GAS2L2: variants seen among roughly 807,000 people sequenced by gnomAD.
The protein encoded by GAS2L2 is growth arrest specific 2 like 2, also known as GAS2-like protein 2.
In GAS2L2, 21 loss-of-function variants were observed where a neutral mutation model predicts 35.2. The observed-to-expected ratio is 0.60, with a 90% CI of 0.42 to 0.86. The LOEUF (loss-of-function observed/expected upper bound fraction) is 0.86, where lower values mean the gene tolerates loss of function less well. Among genes scored for constraint, GAS2L2 ranks in the 40% least tolerant of loss-of-function variants. The probability of loss-of-function intolerance (pLI) is 0.00; values close to 1 mark genes in which losing one functional copy is unlikely to be tolerated. For synonymous variants in GAS2L2, 490 were observed against 473.2 expected (o/e 1.04, Z -0.46); for missense variants, 1,169 against 1,144.4 (o/e 1.02, Z -0.31).
intron 4 of GAS2L2, 108 bp downstream of exon 4, chr17:35,747,741 T>G: frequency 1.2e-6 from 1 of 859,496 alleles, no homozygotes; most frequent in South Asian, 1.5e-5. Flanking sequence ...CACCTACCGC[T>G]CCCCTCCTGG....
chr17:35,744,961 T>C lies in GAS2L2; in HGVS notation c.2536A>G (p.Lys846Glu). The change falls in exon 6 of 6, where the codon AAA (lysine) becomes GAA (glutamate). Residue 846 changes from lysine (K) to glutamate (E), a missense_variant. Transcript: ENST00000604641. ...GEEEEEGKEEKEPAAPLESSP... is the reference protein window; with the variant it reads ...GEEEEEGKEEEEPAAPLESSP... Reference sequence around the variant, plus strand: ...CTCTCCAATGGAGCGGCTGGCTCTTTCTCCTCCTTTCCTTCCTCCTCCTCC... The same window carrying C: ...CTCTCCAATGGAGCGGCTGGCTCTTCCTCCTCCTTTCCTTCCTCCTCCTCC... The C allele has an allele frequency of 6.2e-7, 1 of 1,614,108 alleles. No homozygotes were observed.
In GAS2L2 at chr17:35,747,201, A is replaced by G. The variant is rs2143021734; in HGVS notation, c.900T>C (p.Asp300=). Residue 300 remains aspartate (D), a synonymous_variant, in exon 5 of 6, where the codon GAT becomes GAC. Transcript: ENST00000604641. ...TTGTAGGCTGGGTCTGTGAGGGTCC[A>G]TCCTGTACCCTTACTTCATGCTGCA... ...PPVQHEVRVQ[D]GPSQTQPTMT... 1 of 1,613,988 alleles carries G rather than the reference A, an allele frequency of 6.2e-7. No homozygotes were observed. The highest frequency in any genetic ancestry group is 2.2e-5 in the East Asian group (1 of 44,878).
In GAS2L2 at chr17:35,744,614, A is replaced by T. The variant is rs1478339662; in HGVS notation, c.*240T>A. ...GGAGTGTGGTGAGCCGTTCTAGGGG[A>T]GAGTAATGAGATACAGGATGGTCCT... On this transcript the variant is annotated 3_prime_UTR_variant, in exon 6 of 6. Transcript: ENST00000604641. 1.5e-5 allele frequency: 8 copies of T among 530,494 alleles called. No homozygotes were observed. In the Admixed American group the frequency reaches 2.2e-4, roughly 14 times the overall value. 32.9% of individuals were successfully genotyped at this position (530,494 alleles called of 1,614,324 possible). A position where few individuals can be genotyped will look rare whatever the true frequency, so the allele number is the denominator to read the frequency against.
Position 35,745,744 on chromosome 17 carries a change from C to T in GAS2L2, c.1753G>A (p.Gly585Arg), listed in dbSNP as rs782648695. 8 of 1,613,716 alleles carry T rather than the reference C, an allele frequency of 5.0e-6. No individual in the cohort carries two copies. Among genetic ancestry groups the T allele is most frequent in the Admixed American group, 3.3e-5 (2 of 60,008 alleles). ...SWDLGLQEQEGRYTPLPLGGN... is the reference protein window; with the variant it reads ...SWDLGLQEQERRYTPLPLGGN... ...CCCAAGGGCAGAGGTGTGTACCGCC[C>T]CTCCTGCTCCTGTAGGCCCAGGTCC... The change falls in exon 6 of 6, where the codon GGG becomes AGG. Residue 585 changes from glycine (G) to arginine (R), a missense_variant. Around this residue, in one of 3 missense-constraint regions of GAS2L2, gnomAD observed 1,035 missense variants for 976.5 expected, o/e 1.06. Transcript: ENST00000604641.
Position 35,746,035 on chromosome 17 carries a change from G to T in GAS2L2, c.1462C>A (p.Pro488Thr). The T allele has an allele frequency of 5.2e-6, 8 of 1,547,926 alleles. No individual in the cohort carries two copies. The highest frequency in any genetic ancestry group is 6.1e-6 in the Non-Finnish European group (7 of 1,145,514). ...GGGGTTGGAGAACGGACAGACTCTG[G>T]CTCCCTGAACTGGAAGAACGCACCC... ...AKGAFFQFRE[P>T]ESVRSPTPVQ... Residue 488 changes from proline (P) to threonine (T), a missense_variant, in exon 6 of 6, where the codon CCA (proline) becomes ACA (threonine). Physicochemically the swap from Pro to Thr is conservative, Grantham distance 38. Around this residue, in one of 3 missense-constraint regions of GAS2L2, gnomAD observed 1,035 missense variants for 976.5 expected, o/e 1.06. Transcript: ENST00000604641.
intron 2 of GAS2L2, among the ~76,000 whole-genome samples, 154 bp from the exon 3 acceptor site, chr17:35,749,371 C>G (rs2085689397): frequency 1.3e-5 from 2 of 152,210 alleles, no homozygotes; most frequent in Admixed American, 1.3e-4. Context: ...GTAAATGACC[C>G]AGCGAGAACG....
At position 35,746,319 on chromosome 17, in the gene GAS2L2, C is replaced by T. The variant is rs144191508; in HGVS notation, c.1178G>A (p.Arg393Gln). The change falls in exon 6 of 6, where the codon CGA becomes CAA. Residue 393 changes from arginine to glutamine, a missense_variant. Transcript: ENST00000604641. ...SPQSSSTQKGRDPQCTSSGKR... is the reference protein window; with the variant it reads ...SPQSSSTQKGQDPQCTSSGKR... ...TCCTGACGAGGTACACTGTGGGTCTCGGCCTTTTTGGGTAGATGAGGACTG... is the reference window on the plus strand; with the variant it reads ...TCCTGACGAGGTACACTGTGGGTCTTGGCCTTTTTGGGTAGATGAGGACTG... 2.9e-5 allele frequency: 41 copies of T among 1,398,212 alleles called. No homozygotes were observed. The highest frequency in any genetic ancestry group is 5.7e-5 in the African/African-American group (4 of 69,840). The allele number at this position is 1,398,212 out of a possible 1,614,324, so 86.6% of individuals were successfully genotyped here. A position where few individuals can be genotyped will look rare whatever the true frequency, so the allele number is the denominator to read the frequency against.
At chr17:35,752,160 G>A (rs781898314) in intron 1 of GAS2L2, among the ~76,000 whole-genome samples, 19 of 152,214 alleles carry the variant, frequency 1.2e-4, no homozygotes, top group Non-Finnish European at 1.9e-4. Flanking sequence ...CCATGAATTT[G>A]TTGGGCGCTG....
chr17:35,745,336 G>A lies in GAS2L2; in HGVS notation c.2161C>T (p.Pro721Ser), dbSNP rs1158216228. The A allele has an allele frequency of 3.7e-6, 6 of 1,608,860 alleles. No individual in the cohort carries two copies. Among genetic ancestry groups the A allele is most frequent in the Non-Finnish European group, 5.1e-6 (6 of 1,176,792 alleles). Residue 721 changes from proline to serine, a missense_variant, in exon 6 of 6, where the codon CCT becomes TCT. By Grantham distance (74) the Pro-to-Ser change is moderately conservative. Coordinates refer to ENST00000604641, the MANE Select transcript of GAS2L2 (RefSeq NM_139285.4). ...AKGTHMRKVP[P>S]QGGQDCSAST... is the part of the protein sequence containing the mutation. ...GCCGAGCAGTCCTGCCCTCCCTGAG[G>A]TGGGACCTTCCTCATGTGGGTGCCC...
chr17:35,744,860 C>T lies in GAS2L2; in HGVS notation c.2637G>A (p.Trp879Ter), dbSNP rs782002342. ...QAPLPPEEES[W>*]V ...CCCAACACGCTCATGTGCCTCAGACCCAGGACTCCTCCTCAGGTGGAAGTG... is the reference window on the plus strand; with the variant it reads ...CCCAACACGCTCATGTGCCTCAGACTCAGGACTCCTCCTCAGGTGGAAGTG... The change falls in exon 6 of 6, where the codon TGG (tryptophan) becomes TGA (stop). Residue 879 changes from tryptophan (W) to a stop codon, truncating the protein, a stop_gained. Coordinates refer to ENST00000604641, the MANE Select transcript of GAS2L2 (RefSeq NM_139285.4). LOFTEE classifies it high-confidence loss of function. 3.2e-6 allele frequency: 5 copies of T among 1,581,368 alleles called. No homozygotes were observed. Among genetic ancestry groups the T allele is most frequent in the African/African-American group, 2.7e-5 (2 of 74,128 alleles).
rs1598393483 is a variant in GAS2L2 at position 35,745,421 on chromosome 17, G to C, written c.2076C>G (p.Leu692=). ...KPAVTPGPGS[L]KGKLGARQSG... ...TCTGTCTGGCTCCCAACTTCCCTTT[G>C]AGGCTTCCCGGTCCTGGGGTAACAG... Residue 692 remains leucine (L), a synonymous_variant, in exon 6 of 6, where the codon CTC becomes CTG. Transcript: ENST00000604641. 1 of 1,572,066 alleles carries C rather than the reference G, an allele frequency of 6.4e-7. No homozygotes were observed. Among genetic ancestry groups the C allele is most frequent in the East Asian group, 2.2e-5 (1 of 44,466 alleles).
At position 35,747,017 on chromosome 17, in the gene GAS2L2, T is replaced by C; in HGVS notation, c.1084A>G (p.Arg362Gly). 6.4e-7 allele frequency: 1 copy of C among 1,565,922 alleles called. No homozygotes were observed. The highest frequency in any genetic ancestry group is 8.7e-7 in the Non-Finnish European group (1 of 1,155,286). ...CCCATCCCTGTCTCTTCCCCATACC[T>C]CAGGAATGGTGCCATCTCTCTGGAG... ...GASREMAPFL[R>G]CQERSLIPSW... Residue 362 changes from arginine (R) to glycine (G), a missense_variant and splice_region_variant, in exon 5 of 6, where the codon AGG becomes GGG. Transcript: ENST00000604641.
intron 1 of GAS2L2, among the ~76,000 whole-genome samples, chr17:35,751,587 G>T (rs1191577358): frequency 1.3e-5 from 2 of 151,510 alleles, no homozygotes; most frequent in African/African-American, 2.4e-5. Context: ...ATAATTGCTT[G>T]AACCCGGGAG....
chr17:35,747,052 C>G lies in GAS2L2; in HGVS notation c.1049G>C (p.Gly350Ala). ...SPRPRRERGA[G>A]TGASREMAPF... ...TGCCATCTCTCTGGAGGCCCCCGTCCCTGCTCCCCGTTCCCTGCGGGGTCT... is the reference window on the plus strand; with the variant it reads ...TGCCATCTCTCTGGAGGCCCCCGTCGCTGCTCCCCGTTCCCTGCGGGGTCT... The change falls in exon 5 of 6, where the codon GGG (glycine) becomes GCG (alanine). Residue 350 changes from glycine to alanine, a missense_variant. By Grantham distance (60) the Gly-to-Ala change is moderately conservative. Coordinates refer to ENST00000604641, the MANE Select transcript of GAS2L2 (RefSeq NM_139285.4). 6.2e-7 allele frequency: 1 copy of G among 1,601,832 alleles called. No homozygotes were observed. Among genetic ancestry groups the G allele is most frequent in the Non-Finnish European group, 8.5e-7 (1 of 1,173,058 alleles).
rs1555599598 is a variant in GAS2L2 at position 35,750,237 on chromosome 17, C to T, written c.467G>A (p.Arg156His). The T allele has an allele frequency of 6.2e-7, 1 of 1,613,802 alleles. No homozygotes were observed. Among genetic ancestry groups the T allele is most frequent in the East Asian group, 2.2e-5 (1 of 44,840 alleles). ...NVVLCLLELG[R>H]RAWRFGVAAP... Reference sequence around the variant, plus strand: ...CGCAACACCAAAGCGCCACGCCCGGCGGCCCAGCTCCAGCAAACACAGCAC... The same window carrying T: ...CGCAACACCAAAGCGCCACGCCCGGTGGCCCAGCTCCAGCAAACACAGCAC... The change falls in exon 2 of 6, where the codon CGC (arginine) becomes CAC (histidine). Residue 156 changes from arginine to histidine, a missense_variant. Transcript: ENST00000604641.
Position 35,750,121 on chromosome 17 carries a change from G to T in GAS2L2, c.583C>A (p.Pro195Thr), listed in dbSNP as rs781953251. The T allele has an allele frequency of 6.2e-7, 1 of 1,601,586 alleles. No individual in the cohort carries two copies. Among genetic ancestry groups the T allele is most frequent in the Non-Finnish European group, 8.5e-7 (1 of 1,176,458 alleles). The change falls in exon 2 of 6, where the codon CCC becomes ACC. Residue 195 changes from proline to threonine, a missense_variant. Around this residue, in one of 3 missense-constraint regions of GAS2L2, gnomAD observed 1,035 missense variants for 976.5 expected, o/e 1.06. Transcript: ENST00000604641. ...LPPPDPSPPA[P>T]PRRQPCHFRN... ...AAGTGGCAGGGCTGGCGCCTGGGGG[G>T]CGCTGGCGGCGAGGGGTCGGGCGGG...
At position 35,747,863 on chromosome 17, in the gene GAS2L2, C is replaced by T. The variant is rs2085678784; in HGVS notation, c.818G>A (p.Arg273His). 4 of 1,613,630 alleles carry T rather than the reference C, an allele frequency of 2.5e-6. No homozygotes were observed. Among genetic ancestry groups the T allele is most frequent in the Admixed American group, 1.7e-5 (1 of 59,972 alleles). ...AGGGGACTCACAGAGGGATGTGCAG[C>T]GGCAGGGGTCATGTTTGTCCAGGTA... ...GHYLDKHDPC[R>H]CTSLSHKPGS... Residue 273 changes from arginine (R) to histidine (H), a missense_variant, in exon 4 of 6, where the codon CGC becomes CAC. By Grantham distance (29) the Arg-to-His change is conservative. This residue lies in a region of GAS2L2 where 1,035 missense variants were observed against 976.5 expected (regional missense o/e 1.06). Coordinates refer to ENST00000604641, the MANE Select transcript of GAS2L2 (RefSeq NM_139285.4).
chr17:35,744,603 C>T lies in GAS2L2; in HGVS notation c.*251G>A, dbSNP rs781791909. 4.6e-5 allele frequency: 21 copies of T among 457,412 alleles called. No homozygotes were observed. The highest frequency in any genetic ancestry group is 1.6e-4 in the South Asian group (3 of 19,110). 28.3% of individuals were successfully genotyped at this position (457,412 alleles called of 1,614,324 possible). A position where few individuals can be genotyped will look rare whatever the true frequency, so the allele number is the denominator to read the frequency against. ...GCCAGAGGCCAGGAGTGTGGTGAGC[C>T]GTTCTAGGGGAGAGTAATGAGATAC... On this transcript the variant is annotated 3_prime_UTR_variant, in exon 6 of 6. Coordinates refer to ENST00000604641, the MANE Select transcript of GAS2L2 (RefSeq NM_139285.4).
rs1363115082 is a variant in GAS2L2, at chr17:35,745,992, T to G, written c.1505A>C (p.Lys502Thr). The change falls in exon 6 of 6, where the codon AAG becomes ACG. Residue 502 changes from lysine to threonine, a missense_variant. This residue lies in a region of GAS2L2 where 1,035 missense variants were observed against 976.5 expected (regional missense o/e 1.06). Coordinates refer to ENST00000604641, the MANE Select transcript of GAS2L2 (RefSeq NM_139285.4). ...RSPTPVQGLTKIPIRLPPARP... is the reference protein window; with the variant it reads ...RSPTPVQGLTTIPIRLPPARP... ...AGCAGGGGGCAGCCGGATGGGGATCTTGGTTAGGCCTTGGACAGGGGTTGG... is the reference window on the plus strand; with the variant it reads ...AGCAGGGGGCAGCCGGATGGGGATCGTGGTTAGGCCTTGGACAGGGGTTGG... 6.3e-7 allele frequency: 1 copy of G among 1,590,286 alleles called. No individual in the cohort carries two copies. Among genetic ancestry groups the G allele is most frequent in the Non-Finnish European group, 8.6e-7 (1 of 1,166,284 alleles).
Sources: allele counts gnomAD v4.1 joint callset (sites outside exome capture counted in the v4.1 genomes callset), GRCh38; gene constraint gnomAD v4.1.1; regional missense constraint gnomAD v4.1.1; transcripts MANE v1.5; gene names NCBI Gene and HGNC (gene_info 2026-07-23, HGNC 2026-07-21).